LINGO2: variants seen among roughly 807,000 people sequenced by gnomAD.
LINGO2 encodes leucine-rich repeat and immunoglobulin-like domain-containing nogo receptor-interacting protein 2.
LINGO2 carries 14 observed loss-of-function variants against 30.6 expected under a neutral mutation model. The observed-to-expected ratio is 0.46, with a 90% CI of 0.30 to 0.72. The LOEUF is 0.72. LINGO2 is among the 30% of genes least tolerant of loss of function. The probability of loss-of-function intolerance (pLI) is 0.07; values close to 1 mark genes in which losing one functional copy is unlikely to be tolerated. For synonymous variants in LINGO2, 317 were observed against 288.5 expected (o/e 1.10, Z -1.00); for missense variants, 729 against 751.7 (o/e 0.97, Z 0.35).
chr9:28,992,970 C>T, the LINGO2 span, among the ~76,000 whole-genome samples: 1 of 151,092 alleles, frequency 6.6e-6, no homozygotes, highest in Non-Finnish European at 1.5e-5. Context: ...AAAGCAAGAG[C>T]AAACACATTC....
At chr9:27,998,787 T>C (rs1489225924) in intron 5 of LINGO2, among the ~76,000 whole-genome samples, 6 of 151,940 alleles carry the variant, frequency 3.9e-5, no homozygotes. Flanking sequence ...GGAGACTGTC[T>C]CAAAAAAACA....
At chr9:28,483,984 G>T (rs995958306) in intron 1 of LINGO2, among the ~76,000 whole-genome samples, 24 of 152,064 alleles carry the variant, frequency 1.6e-4, no homozygotes, top group African/African-American at 5.8e-4. Flanking sequence ...CTTAAGTAGA[G>T]AGAAAGAAAT....
intron 4 of LINGO2, among the ~76,000 whole-genome samples, chr9:28,253,629 C>T (rs552655673): frequency 6.6e-6 from 1 of 152,058 alleles, no homozygotes; most frequent in Admixed American, 6.6e-5. Flanking sequence ...ATTTGAATGA[C>T]GAGGTTAAGA....
At chr9:28,588,803 C>A (rs1226422588) in intron 1 of LINGO2, among the ~76,000 whole-genome samples, 1 of 151,990 alleles carries the variant, frequency 6.6e-6, no homozygotes, top group African/African-American at 2.4e-5. Context: ...CTAGTCAGGC[C>A]ATGCAGCATT....
chr9:28,778,607 G>A, the LINGO2 span, among the ~76,000 whole-genome samples: 1 of 152,130 alleles, frequency 6.6e-6, no homozygotes, highest in Admixed American at 6.5e-5. Flanking sequence ...GCCAGAGTAT[G>A]AGCACAGGGA....
At chr9:28,277,191 G>C (rs1366401061) in intron 4 of LINGO2, among the ~76,000 whole-genome samples, 1 of 151,936 alleles carries the variant, frequency 6.6e-6, no homozygotes, top group Non-Finnish European at 1.5e-5. Context: ...GTCCTACTTT[G>C]GTAATTCTGG....
intron 4 of LINGO2, among the ~76,000 whole-genome samples, chr9:28,122,708 T>C (rs887734963): frequency 1.1e-4 from 16 of 152,320 alleles, no homozygotes; most frequent in African/African-American, 1.2e-4. Context: ...CTTTTCCTTG[T>C]CTTTTTCCAT....
rs529030094 is a variant in LINGO2 at position 28,190,532 on chromosome 9, G to T, written c.-87+104676C>A. Among the ~76,000 whole-genome samples, 14 of 152,282 alleles carry T rather than the reference G, an allele frequency of 9.2e-5. No individual in the cohort carries two copies. In the South Asian group the frequency reaches 2.9e-3, roughly 32 times the overall value. On this transcript the variant is annotated intron_variant, in intron 4 of 5. Coordinates refer to ENST00000379992, the Ensembl canonical transcript of LINGO2. Reference sequence around the variant, plus strand: ...GTGCCCTTATAAAAGAAACCCCAGAGAGTTCTCTCGTTTCTTCTGCAATGT... The same window carrying T: ...GTGCCCTTATAAAAGAAACCCCAGATAGTTCTCTCGTTTCTTCTGCAATGT...
At position 28,371,224 on chromosome 9, in the gene LINGO2, G is replaced by T. The variant is rs77092261; in HGVS notation, c.-246+1612C>A. ...TATCTATGGAGTACAGTGTGGAGATGATAGCTCCATTTCAACCCATTGACG... is the reference window on the plus strand; with the variant it reads ...TATCTATGGAGTACAGTGTGGAGATTATAGCTCCATTTCAACCCATTGACG... On this transcript the variant is annotated intron_variant, in intron 3 of 5. Transcript: ENST00000379992. 3.4e-3 allele frequency among the ~76,000 whole-genome samples: 511 copies of T among 152,330 alleles called. 4 individuals are homozygous for T. The highest frequency in any genetic ancestry group is 5.2e-3 in the Non-Finnish European group (354 of 68,024).
the LINGO2 span, among the ~76,000 whole-genome samples, chr9:28,835,031 C>T: frequency 6.6e-6 from 1 of 152,074 alleles, no homozygotes; most frequent in Non-Finnish European, 1.5e-5. Context: ...TAGAATTTTG[C>T]AGTAAAGGTT....
At chr9:29,186,349 A>G in the LINGO2 span, among the ~76,000 whole-genome samples, 1 of 152,164 alleles carries the variant, frequency 6.6e-6, no homozygotes, top group Non-Finnish European at 1.5e-5. Flanking sequence ...TGCAACTTCC[A>G]TTTATTATTT....
At chr9:28,194,675 G>C (rs1819947078) in intron 4 of LINGO2, among the ~76,000 whole-genome samples, 1 of 150,954 alleles carries the variant, frequency 6.6e-6, no homozygotes, top group Admixed American at 6.6e-5. Context: ...GGAAAACAAT[G>C]TGACATAGAA....
At chr9:28,863,400 G>A in the LINGO2 span, among the ~76,000 whole-genome samples, 1 of 152,066 alleles carries the variant, frequency 6.6e-6, no homozygotes, top group African/African-American at 2.4e-5. Flanking sequence ...GACAGAGACA[G>A]CAACTATGTA....
At chr9:28,214,482 T>C (rs1820697557) in intron 4 of LINGO2, among the ~76,000 whole-genome samples, 1 of 151,558 alleles carries the variant, frequency 6.6e-6, no homozygotes, top group Non-Finnish European at 1.5e-5. Context: ...AGAAAAATCT[T>C]AGAATGTGTT....
chr9:28,590,268 C>A (rs1164538377), intron 1 of LINGO2, among the ~76,000 whole-genome samples: 2 of 152,030 alleles, frequency 1.3e-5, no homozygotes, highest in Non-Finnish European at 2.9e-5. Context: ...GTCTAAAACA[C>A]CAAAAGCAAT....
the LINGO2 span, among the ~76,000 whole-genome samples, chr9:28,677,654 C>T: frequency 1.0e-3 from 153 of 152,154 alleles, no homozygotes; most frequent in African/African-American, 3.3e-3. Context: ...TGAGCCCTGG[C>T]CACCTGTGTT....
At chr9:28,105,710 A>G (rs905558739) in intron 4 of LINGO2, among the ~76,000 whole-genome samples, 1 of 151,468 alleles carries the variant, frequency 6.6e-6, no homozygotes, top group Non-Finnish European at 1.5e-5. Flanking sequence ...AACAAGAGGA[A>G]CCTGTCTCAC....
At chr9:28,955,398 T>C in the LINGO2 span, among the ~76,000 whole-genome samples, 3 of 152,146 alleles carry the variant, frequency 2.0e-5, no homozygotes, top group African/African-American at 7.2e-5. Context: ...TATGGATGCA[T>C]GGGAGTGTCT....
At chr9:28,752,051 G>A in the LINGO2 span, among the ~76,000 whole-genome samples, 3 of 151,928 alleles carry the variant, frequency 2.0e-5, no homozygotes, top group Non-Finnish European at 2.9e-5. Context: ...ATTAATGCAC[G>A]TTGGAGTATT....
Sources: allele counts gnomAD v4.1 joint callset (sites outside exome capture counted in the v4.1 genomes callset), GRCh38; gene constraint gnomAD v4.1.1; transcripts MANE v1.5; gene names NCBI Gene and HGNC (gene_info 2026-07-23, HGNC 2026-07-21).